COL26A1: variants seen among roughly 807,000 people sequenced by gnomAD.
The protein encoded by COL26A1 is collagen type XXVI alpha 1 chain, also known as collagen alpha-1(XXVI) chain.
COL26A1 carries 41 observed loss-of-function variants against 59.3 expected under a neutral mutation model. The observed-to-expected ratio is 0.69, with a 90% confidence interval of 0.54 to 0.90. COL26A1 has a LOEUF of 0.90. Ranked by LOEUF, COL26A1 falls within the 40% of genes least tolerant of loss-of-function variation. COL26A1 has a pLI of 0.00. For missense variants in COL26A1, 612 were observed against 602.3 expected, an observed-to-expected ratio of 1.02 and a Z score of -0.17; for synonymous variants, 266 against 256.0, an observed-to-expected ratio of 1.04 and a Z score of -0.37.
intron 3 of COL26A1, among the ~76,000 whole-genome samples, chr7:101,486,380 A>T (rs116299382): frequency 0.045 from 6,778 of 152,212 alleles, 524 homozygotes; most frequent in African/African-American, 0.15. Flanking sequence ...GGAGCTCTGA[A>T]GCCCGGTCTT....
intron 1 of COL26A1, among the ~76,000 whole-genome samples, chr7:101,378,775 A>C (rs562932086): frequency 1.3e-5 from 2 of 152,192 alleles, no homozygotes; most frequent in South Asian, 4.2e-4. Context: ...TGGAAATGCA[A>C]GGACTCTGCG....
At chr7:101,445,840 G>C (rs1247395191) in intron 2 of COL26A1, among the ~76,000 whole-genome samples, 2 of 151,224 alleles carry the variant, frequency 1.3e-5, no homozygotes, top group Non-Finnish European at 2.9e-5. Context: ...ACGAGGTCAG[G>C]AGATCAAGAG....
intron 3 of COL26A1, among the ~76,000 whole-genome samples, chr7:101,524,275 A>G (rs774716239): frequency 6.0e-4 from 83 of 138,470 alleles, no homozygotes; most frequent in Admixed American, 8.7e-4. Flanking sequence ...TGTCTCAAAG[A>G]AAAAAAAAAA....
intron 3 of COL26A1, among the ~76,000 whole-genome samples, chr7:101,531,910 A>C (rs564124806): frequency 1.3e-5 from 2 of 151,784 alleles, no homozygotes; most frequent in South Asian, 4.2e-4. Flanking sequence ...TGCAGTTCTC[A>C]CCTCTCCCAA....
At chr7:101,452,595 C>A (rs80038441) in intron 3 of COL26A1, among the ~76,000 whole-genome samples, 5,319 of 152,148 alleles carry the variant, frequency 0.035, 114 homozygotes, top group East Asian at 0.053. Flanking sequence ...GATGATCTAG[C>A]CTATTACACA....
intron 2 of COL26A1, among the ~76,000 whole-genome samples, chr7:101,441,094 A>G (rs1793048253): frequency 6.6e-6 from 1 of 151,074 alleles, no homozygotes. Context: ...GAGAGGGAAA[A>G]CCTTTGCCTG....
chr7:101,523,456 G>A (rs1012475860), intron 3 of COL26A1, among the ~76,000 whole-genome samples: 1 of 152,104 alleles, frequency 6.6e-6, no homozygotes, highest in Admixed American at 6.5e-5. Flanking sequence ...ACTCTATTTT[G>A]AGGTCATATA....
At chr7:101,502,605 T>TTGGGCTGGAGC (rs1189604528) in intron 3 of COL26A1, among the ~76,000 whole-genome samples, 1 of 150,924 alleles carries the variant, frequency 6.6e-6, no homozygotes, top group Non-Finnish European at 1.5e-5. Context: ...GGGGCCGGAG[T>TTGGGCTGGAGC]TGGGCTGGAG....
intron 4 of COL26A1, among the ~76,000 whole-genome samples, chr7:101,535,329 G>A (rs763676923): frequency 1.2e-4 from 19 of 152,202 alleles, no homozygotes; most frequent in Non-Finnish European, 2.5e-4. Flanking sequence ...CAGGGTCCCC[G>A]AGCCATGCCC....
intron 3 of COL26A1, among the ~76,000 whole-genome samples, chr7:101,475,834 C>T (rs1371699387): frequency 6.7e-6 from 1 of 148,344 alleles, no homozygotes; most frequent in Admixed American, 6.8e-5. Context: ...CTCTTTCTCT[C>T]TCTCTCTTTC....
At chr7:101,390,327 C>T (rs901770435) in intron 1 of COL26A1, among the ~76,000 whole-genome samples, 8 of 151,802 alleles carry the variant, frequency 5.3e-5, no homozygotes, top group East Asian at 3.9e-4. Flanking sequence ...GGGGTTTCAC[C>T]GTGTTGGCCA....
intron 12 of COL26A1, among the ~76,000 whole-genome samples, chr7:101,556,861 A>G (rs1202223560): frequency 2.0e-5 from 3 of 151,688 alleles, no homozygotes; most frequent in Admixed American, 2.0e-4. Context: ...GAGTGAATGA[A>G]TGGATAGATG....
chr7:101,538,890 G>A (rs1339412523), intron 4 of COL26A1, among the ~76,000 whole-genome samples: 1 of 152,230 alleles, frequency 6.6e-6, no homozygotes, highest in Admixed American at 6.5e-5. Flanking sequence ...TCTCAGCTCA[G>A]CCCAGCAGGT....
intron 2 of COL26A1, among the ~76,000 whole-genome samples, chr7:101,435,120 T>A (rs1562977526): frequency 6.6e-6 from 1 of 151,902 alleles, no homozygotes; most frequent in Admixed American, 6.6e-5. Context: ...AGATCAGGAG[T>A]TCGAGACCAG....
At chr7:101,366,527 G>T (rs931307257) in intron 1 of COL26A1, among the ~76,000 whole-genome samples, 5 of 117,764 alleles carry the variant, frequency 4.2e-5, no homozygotes, top group Non-Finnish European at 6.8e-5. Context: ...TAAAGACAGG[G>T]TCTTGCTCTG....
chr7:101,454,547 C>A (rs1793424178), intron 3 of COL26A1, among the ~76,000 whole-genome samples: 1 of 152,116 alleles, frequency 6.6e-6, no homozygotes, highest in Non-Finnish European at 1.5e-5. Flanking sequence ...GGGTGAGCCA[C>A]CGCACCCGGC....
intron 5 of COL26A1, among the ~76,000 whole-genome samples, chr7:101,542,964 G>C (rs1164767507): frequency 6.6e-6 from 1 of 152,180 alleles, no homozygotes; most frequent in African/African-American, 2.4e-5. Flanking sequence ...TCCAACCAGG[G>C]GAAAATGCAG....
rs114308649 is a variant in COL26A1, at chr7:101,517,350, A to G, written c.386-15732A>G. Among the ~76,000 whole-genome samples the G allele has an allele frequency of 2.3e-3, 347 of 151,762 alleles. 2 individuals are homozygous for G. The highest frequency in any genetic ancestry group is 8.0e-3 in the African/African-American group (331 of 41,218). ...GTCCGTTTTCACGTTGCTGATAAAG[A>G]CATACCCAAGATTGGGCAATTTACA... On this transcript the variant is annotated intron_variant, in intron 3 of 12. Transcript: ENST00000313669.
At chr7:101,390,528 C>T (rs1300697553) in intron 1 of COL26A1, among the ~76,000 whole-genome samples, 3 of 152,130 alleles carry the variant, frequency 2.0e-5, no homozygotes, top group Non-Finnish European at 4.4e-5. Flanking sequence ...TGGGCTCAAG[C>T]CATCCACCCA....
Sources: allele counts gnomAD v4.1 joint callset (sites outside exome capture counted in the v4.1 genomes callset), GRCh38; gene constraint gnomAD v4.1.1; transcripts MANE v1.5; gene names NCBI Gene and HGNC (gene_info 2026-07-23, HGNC 2026-07-21).